Variants in TFAM observed in about 807,000 individuals in gnomAD.
TFAM encodes the protein transcription factor A, mitochondrial.
TFAM carries 13 observed loss-of-function variants against 30.6 expected under a neutral mutation model. The observed-to-expected ratio is 0.42, with a 90% confidence interval of 0.28 to 0.67. The LOEUF is 0.67. Among genes scored for constraint, TFAM ranks in the 30% least tolerant of loss-of-function variants. The probability of loss-of-function intolerance (pLI) is 0.21; values close to 1 mark genes in which losing one functional copy is unlikely to be tolerated. For synonymous variants in TFAM, 106 were observed against 94.8 expected (o/e 1.12, Z -0.69); for missense variants, 231 against 293.7 (o/e 0.79, Z 1.56).
At chr10:58,388,378 A>G (rs1840530400) in intron 3 of TFAM, 118 bp downstream of exon 3, 1 of 906,452 alleles carries the variant, frequency 1.1e-6, no homozygotes. Flanking sequence ...TTATCTACAA[A>G]GAAACTTTAT....
chr10:58,393,929 A>G (rs1354489781), intron 5 of TFAM, among the ~76,000 whole-genome samples: 2 of 151,812 alleles, frequency 1.3e-5, no homozygotes, highest in African/African-American at 4.8e-5. Flanking sequence ...CTTTAATTTT[A>G]TAAATGAAGA....
chr10:58,394,253 GGCTTT>G, intron 5 of TFAM, 100 bp from the exon 6 acceptor site: 1 of 837,364 alleles, frequency 1.2e-6, no homozygotes, highest in Admixed American at 1.7e-5. Flanking sequence ...GAATTGATGA[GGCTTT>G]GCCTGTAATT....
chr10:58,385,422 T>A lies in TFAM; in HGVS notation c.-126T>A. The A allele has an allele frequency of 1.4e-6, 1 of 712,672 alleles. No individual in the cohort carries two copies. The highest frequency in any genetic ancestry group is 1.7e-5 in the South Asian group (1 of 59,316). The allele number at this position is 712,672 out of a possible 1,614,324, so 44.1% of individuals were successfully genotyped here. A position where few individuals can be genotyped will look rare whatever the true frequency, so the allele number is the denominator to read the frequency against. On this transcript the variant is annotated 5_prime_UTR_variant, in exon 1 of 7. Transcript: ENST00000487519. ...TAGCAGATTTCCCATAGTGCCTCGC[T>A]AGTGGCGGGCATGATAACACACGCC... is the stretch of plus-strand genomic sequence containing the variant.
chr10:58,394,616 C>A, intron 6 of TFAM: 1 of 709,360 alleles, frequency 1.4e-6, no homozygotes, highest in Non-Finnish European at 2.6e-6. Flanking sequence ...TATTTGAAAC[C>A]ACAGCACTCA....
intron 2 of TFAM, among the ~76,000 whole-genome samples, chr10:58,387,543 A>G (rs1035935662): frequency 1.3e-5 from 2 of 152,210 alleles, no homozygotes; most frequent in Non-Finnish European, 2.9e-5. Flanking sequence ...AGCTTTTATA[A>G]ATTTAGGAAT....
rs1313431010 is a variant in TFAM, at chr10:58,386,545, C to G, written c.220+207C>G. The G allele has an allele frequency of 4.0e-6, 3 of 740,802 alleles. No individual in the cohort carries two copies. In the Admixed American group the frequency reaches 9.1e-5, roughly 22 times the overall value. The allele number at this position is 740,802 out of a possible 1,614,324, so 45.9% of individuals were successfully genotyped here. A position where few individuals can be genotyped will look rare whatever the true frequency, so the allele number is the denominator to read the frequency against. On this transcript the variant is annotated intron_variant, in intron 2 of 6. Coordinates refer to ENST00000487519, the MANE Select transcript of TFAM (RefSeq NM_003201.3). ...CTAGTAAATGGTATTTTAAAAATAA[C>G]GTATAGTGTAGAAAGCACCCTAGGA...
chr10:58,388,883 T>C, intron 4 of TFAM, 64 bp downstream of exon 4: 1 of 1,418,166 alleles, frequency 7.1e-7, no homozygotes, highest in Non-Finnish European at 9.7e-7. Flanking sequence ...ACTATGAATA[T>C]AGGTAGTTTT....
In TFAM at chr10:58,395,194, T is replaced by A. The variant is rs1840660648; in HGVS notation, c.*120T>A. ...GTTGGTAAACCTTTTATATTTAGTA[T>A]CTTTTTATTCAGCTCATGGACTTCT... On this transcript the variant is annotated 3_prime_UTR_variant, in exon 7 of 7. Coordinates refer to ENST00000487519, the MANE Select transcript of TFAM (RefSeq NM_003201.3). 4 of 1,040,330 alleles carry A rather than the reference T, an allele frequency of 3.8e-6. No homozygotes were observed. The highest frequency in any genetic ancestry group is 5.8e-6 in the Non-Finnish European group (4 of 690,464). The allele number at this position is 1,040,330 out of a possible 1,614,324, so 64.4% of individuals were successfully genotyped here. A position where few individuals can be genotyped will look rare whatever the true frequency, so the allele number is the denominator to read the frequency against.
chr10:58,385,605 G>C lies in TFAM; in HGVS notation c.58G>C (p.Glu20Gln). The change falls in exon 1 of 7, where the codon GAG becomes CAG. Residue 20 changes from glutamate to glutamine, a missense_variant. Glu to Gln is a conservative substitution (Grantham distance 29). Coordinates refer to ENST00000487519, the MANE Select transcript of TFAM (RefSeq NM_003201.3). The part of the protein sequence containing the change: ...VLSALGRSGA[E>Q]LCTGCGSRLR... ...GAGTGCCCTGGGAAGGTCTGGAGCA[G>C]AGCTGTGCACCGGCTGTGGAAGTCG... 3 of 1,568,476 alleles carry C rather than the reference G, an allele frequency of 1.9e-6. No homozygotes were observed. In the South Asian group the frequency reaches 3.5e-5, roughly 18 times the overall value.
At chr10:58,388,354 T>A (rs1480478961) in intron 3 of TFAM, 94 bp downstream of exon 3, 4 of 1,067,474 alleles carry the variant, frequency 3.7e-6, no homozygotes, top group Non-Finnish European at 4.3e-6. Context: ...TCAGACTTTT[T>A]AAAAAATAAT....
At chr10:58,389,096 CAG>C (rs1297412912) in intron 4 of TFAM, among the ~76,000 whole-genome samples, 11 of 152,170 alleles carry the variant, frequency 7.2e-5, no homozygotes, top group Admixed American at 5.9e-4. Flanking sequence ...ACTACAGGAA[CAG>C]AGTTATGAAA....
Sources: gnomAD v4.1 joint callset for allele counts (sites outside exome capture counted in the v4.1 genomes callset) on GRCh38, gnomAD v4.1.1 for gene constraint, MANE v1.5 for transcripts, NCBI Gene and HGNC (gene_info 2026-07-23, HGNC 2026-07-21) for gene names.